Variants in MDGA2 observed in about 807,000 individuals in gnomAD.
The protein encoded by MDGA2 is MAM domain containing glycosylphosphatidylinositol anchor 2, also known as MAM domain-containing glycosylphosphatidylinositol anchor protein 2.
MDGA2 carries 40 observed loss-of-function variants against 117.8 expected under a neutral mutation model. The observed-to-expected ratio is 0.34, with a 90% CI of 0.26 to 0.44. MDGA2 has a LOEUF of 0.44. MDGA2 is among the 20% of genes least tolerant of loss of function. The probability of loss-of-function intolerance (pLI) is 1.00; values close to 1 mark genes in which losing one functional copy is unlikely to be tolerated. For missense variants in MDGA2, 1,123 were observed against 1,250.6 expected (o/e 0.90, Z 1.54); for synonymous variants, 452 against 439.0 (o/e 1.03, Z -0.37).
At chr14:47,572,939 T>C (rs968160650) in intron 1 of MDGA2, among the ~76,000 whole-genome samples, 2 of 152,180 alleles carry the variant, frequency 1.3e-5, no homozygotes. Flanking sequence ...TATTTTTTGG[T>C]TATTTTAATA....
intron 6 of MDGA2, among the ~76,000 whole-genome samples, chr14:47,089,774 C>A (rs748554561): frequency 8.6e-5 from 13 of 151,840 alleles, no homozygotes; most frequent in African/African-American, 1.2e-4. Flanking sequence ...ATCTCCTGAT[C>A]TTGTGATCCA....
intron 8 of MDGA2, among the ~76,000 whole-genome samples, chr14:47,033,508 T>C (rs1001760229): frequency 6.6e-6 from 1 of 152,198 alleles, no homozygotes; most frequent in African/African-American, 2.4e-5. Flanking sequence ...ATCTCATTTT[T>C]TAGAAAATGG....
At chr14:47,458,905 T>A (rs910569417) in intron 1 of MDGA2, among the ~76,000 whole-genome samples, 1 of 150,680 alleles carries the variant, frequency 6.6e-6, no homozygotes, top group African/African-American at 2.4e-5. Flanking sequence ...GCGCTTCCAG[T>A]TCAATTTCCA....
intron 3 of MDGA2, among the ~76,000 whole-genome samples, chr14:47,192,477 TG>T (rs1434737504): frequency 6.6e-6 from 1 of 151,740 alleles, no homozygotes; most frequent in Non-Finnish European, 1.5e-5. Context: ...TAGCCTGGTG[TG>T]GTGGCACGTA....
chr14:47,267,713 C>T (rs191996145), intron 2 of MDGA2, among the ~76,000 whole-genome samples: 2 of 152,098 alleles, frequency 1.3e-5, no homozygotes, highest in Admixed American at 6.6e-5. Flanking sequence ...TTTTTTTCTT[C>T]TACAAATTTT....
At chr14:47,038,448 G>C (rs1049822917) in intron 7 of MDGA2, among the ~76,000 whole-genome samples, 2 of 152,012 alleles carry the variant, frequency 1.3e-5, no homozygotes, top group African/African-American at 4.8e-5. Flanking sequence ...ATGTTATCAT[G>C]CTAAATATTT....
At chr14:47,285,191 C>A (rs1228904402) in intron 2 of MDGA2, among the ~76,000 whole-genome samples, 2 of 152,096 alleles carry the variant, frequency 1.3e-5, no homozygotes, top group East Asian at 3.9e-4. Flanking sequence ...ATTAAATTTA[C>A]CCTTGGGCTT....
chr14:47,459,155 C>T (rs999463455), intron 1 of MDGA2, among the ~76,000 whole-genome samples: 3 of 151,818 alleles, frequency 2.0e-5, no homozygotes, highest in African/African-American at 7.3e-5. Context: ...CATCAATTCC[C>T]CCTCCATTAT....
chr14:47,536,419 C>T (rs537121778), intron 1 of MDGA2, among the ~76,000 whole-genome samples: 2 of 152,254 alleles, frequency 1.3e-5, no homozygotes, highest in South Asian at 4.1e-4. Flanking sequence ...GTCCTATGTT[C>T]TGTCTATTCT....
chr14:47,520,815 A>G (rs1188827487), intron 1 of MDGA2, among the ~76,000 whole-genome samples: 1 of 152,168 alleles, frequency 6.6e-6, no homozygotes, highest in East Asian at 1.9e-4. Context: ...TACATGAAAA[A>G]CTTGAATAAA....
intron 7 of MDGA2, among the ~76,000 whole-genome samples, chr14:47,054,596 G>A (rs1402322701): frequency 1.3e-5 from 2 of 151,426 alleles, no homozygotes; most frequent in Admixed American, 1.3e-4. Context: ...ATAGTTTGCT[G>A]AGAATGATGT....
chr14:46,899,041 C>T (rs3007106), intron 10 of MDGA2, among the ~76,000 whole-genome samples: 146,146 of 152,084 alleles, frequency 0.96, 70,504 homozygotes, highest in Middle Eastern at 1. Flanking sequence ...AGGGGAAAAT[C>T]GCAGCCGCTA....
chr14:46,895,463 T>C (rs1175091180), intron 10 of MDGA2, among the ~76,000 whole-genome samples: 2 of 152,274 alleles, frequency 1.3e-5, no homozygotes, highest in Middle Eastern at 3.4e-3. Flanking sequence ...CGGTGCCTCA[T>C]GCCTGTAATC....
intron 1 of MDGA2, among the ~76,000 whole-genome samples, chr14:47,562,713 C>T (rs1895840180): frequency 6.6e-6 from 1 of 151,624 alleles, no homozygotes; most frequent in South Asian, 2.1e-4. Flanking sequence ...TGGGTTTTTG[C>T]ATTTCAATTT....
Position 47,091,527 on chromosome 14 carries a change from G to A in MDGA2, c.1195+5327C>T, listed in dbSNP as rs556789347. 1.0e-3 allele frequency among the ~76,000 whole-genome samples: 154 copies of A among 152,182 alleles called. 1 individual carries two copies. Among genetic ancestry groups the A allele is most frequent in the African/African-American group, 3.6e-3 (150 of 41,546 alleles). The stretch of plus-strand genomic sequence containing the variant: ...TATTTGAAAACTAACATTCAAAGCA[G>A]AAAGACCAATGCGTCTAAAGTAGAG... On this transcript the variant is annotated intron_variant, in intron 6 of 16. Transcript: ENST00000399232.
intron 1 of MDGA2, among the ~76,000 whole-genome samples, chr14:47,563,592 T>C (rs868381193): frequency 3.6e-4 from 29 of 79,672 alleles, no homozygotes; most frequent in African/African-American, 9.3e-4. Flanking sequence ...TTTTTTTTTT[T>C]TTTTTTTTTT....
chr14:47,286,339 G>A (rs915541996), intron 2 of MDGA2, among the ~76,000 whole-genome samples: 1 of 151,948 alleles, frequency 6.6e-6, no homozygotes, highest in African/African-American at 2.4e-5. Context: ...CTATCAAACT[G>A]TATGTTTTAC....
chr14:46,902,716 A>G (rs894256698), intron 10 of MDGA2, among the ~76,000 whole-genome samples: 4 of 152,056 alleles, frequency 2.6e-5, no homozygotes, highest in Admixed American at 1.3e-4. Context: ...ATATTTTCAC[A>G]CTCTCAAGTA....
rs1882571287 is a variant in MDGA2, at chr14:46,884,066, C to T, written c.2239-1845G>A. Among the ~76,000 whole-genome samples, 2 of 151,960 alleles carry T rather than the reference C, an allele frequency of 1.3e-5. No individual in the cohort carries two copies. Among genetic ancestry groups the T allele is most frequent in the Admixed American group, 1.3e-4 (2 of 15,208 alleles). On this transcript the variant is annotated intron_variant, in intron 10 of 16. Transcript: ENST00000399232. This position sits in a 1 kb window ranked among gnomAD's most constrained non-coding sequence, Gnocchi z 4.1. The stretch of plus-strand genomic sequence containing the variant: ...TTCTATTATTGGGGGTTATCTGTGG[C>T]CTATGACAAAGACATATTCTGTATA...
Sources: allele counts gnomAD v4.1 joint callset (sites outside exome capture counted in the v4.1 genomes callset), GRCh38; gene constraint gnomAD v4.1.1; non-coding constraint Gnocchi (gnomAD v3.1); transcripts MANE v1.5; gene names NCBI Gene and HGNC (gene_info 2026-07-23, HGNC 2026-07-21).